EYS: variants seen among roughly 807,000 people sequenced by gnomAD.
The protein encoded by EYS is protein eyes shut homolog.
Under a neutral mutation model 282.1 loss-of-function variants are expected in EYS, and 250 were observed. The observed-to-expected ratio is 0.89, with a 90% confidence interval of 0.80 to 0.98. The LOEUF is 0.98. Among genes scored for constraint, EYS ranks in the 50% least tolerant of loss-of-function variants. The pLI is 0.00. For synonymous variants in EYS, 1,355 were observed against 1,282.9 expected (o/e 1.06, Z -1.20); for missense variants, 4,016 against 3,709.0 (o/e 1.08, Z -2.15).
chr6:63,880,831 A>T (rs77327474), intron 35 of EYS, among the ~76,000 whole-genome samples: 1,638 of 152,308 alleles, frequency 0.011, 24 homozygotes, highest in African/African-American at 0.038. Flanking sequence ...ACTGGAAAAG[A>T]CTAAATCTCT....
intron 14 of EYS, among the ~76,000 whole-genome samples, chr6:64,978,422 A>G (rs1770542341): frequency 6.6e-6 from 1 of 151,982 alleles, no homozygotes; most frequent in Admixed American, 6.6e-5. Context: ...ATTCGTTTCA[A>G]AATATTACTG....
At chr6:64,254,136 C>T (rs898061037) in intron 30 of EYS, among the ~76,000 whole-genome samples, 1 of 152,044 alleles carries the variant, frequency 6.6e-6, no homozygotes, top group African/African-American at 2.4e-5. Context: ...TTTGGCCTTT[C>T]TCGTGTAATA....
chr6:65,516,152 T>C lies in EYS; in HGVS notation c.-332-20159A>G, dbSNP rs554646674. 2.0e-5 allele frequency among the ~76,000 whole-genome samples: 3 copies of C among 152,180 alleles called. No individual in the cohort carries two copies. In the East Asian group the frequency reaches 5.8e-4, roughly 29 times the overall value. ...ATGCTGAAACCATTAAAAGAGAACA[T>C]ATATATTAAAATAATTCTGGCACAT... On this transcript the variant is annotated intron_variant, in intron 2 of 42. Transcript: ENST00000503581.
intron 12 of EYS, among the ~76,000 whole-genome samples, chr6:65,077,971 T>C (rs546288808): frequency 1.3e-5 from 2 of 152,238 alleles, no homozygotes; most frequent in East Asian, 3.9e-4. Context: ...TATTCACAGA[T>C]GAAAAGCTGT....
At chr6:64,866,454 G>A (rs9351461) in intron 19 of EYS, among the ~76,000 whole-genome samples, 23,492 of 151,516 alleles carry the variant, frequency 0.16, 2,117 homozygotes, top group East Asian at 0.49. Context: ...CTTTAAATTT[G>A]CCAATATAGG....
At chr6:64,035,090 C>T (rs1770047628) in intron 33 of EYS, among the ~76,000 whole-genome samples, 1 of 152,162 alleles carries the variant, frequency 6.6e-6, no homozygotes. Flanking sequence ...TACTGCTGAA[C>T]ACGTGGCAGT....
chr6:64,826,682 GTATA>G (rs3065326), intron 19 of EYS, among the ~76,000 whole-genome samples: 46,015 of 144,248 alleles, frequency 0.32, 7,382 homozygotes, highest in East Asian at 0.47. Context: ...ATGATTTTAT[GTATA>G]TATATATATA....
rs547341943 is a variant in EYS at position 65,470,982 on chromosome 6, C to T, written c.862+19612G>A. On this transcript the variant is annotated intron_variant, in intron 5 of 42. Transcript: ENST00000503581. The stretch of plus-strand genomic sequence containing the variant: ...TGAAACCCTGTCTCTACTAACAATA[C>T]AAAAATTAGCTGGGCATGGTGGCAC... Among the ~76,000 whole-genome samples, 25 of 151,878 alleles carry T rather than the reference C, an allele frequency of 1.6e-4. No individual in the cohort carries two copies. The South Asian group carries it at 3.3e-3, about 20-fold the overall frequency.
chr6:65,233,075 T>C (rs149254961), intron 12 of EYS, among the ~76,000 whole-genome samples: 274 of 152,286 alleles, frequency 1.8e-3, no homozygotes, highest in African/African-American at 6.4e-3. Flanking sequence ...ATTGTCATCA[T>C]GCCATCCTTT....
chr6:64,965,644 C>T (rs1050652469), intron 14 of EYS, among the ~76,000 whole-genome samples: 1 of 152,004 alleles, frequency 6.6e-6, no homozygotes, highest in Non-Finnish European at 1.5e-5. Flanking sequence ...AGCATCATCC[C>T]TAACTTTTTT....
chr6:63,778,562 A>G (rs1196046063), intron 39 of EYS, among the ~76,000 whole-genome samples: 1 of 152,196 alleles, frequency 6.6e-6, no homozygotes, highest in Admixed American at 6.5e-5. Context: ...AAGTGATGGC[A>G]TATTTTCTTA....
At chr6:65,397,746 G>A (rs2150360904) in intron 7 of EYS, among the ~76,000 whole-genome samples, 1 of 152,018 alleles carries the variant, frequency 6.6e-6, no homozygotes, top group South Asian at 2.1e-4. Flanking sequence ...TTGATATAAT[G>A]ATTCCTTTTC....
chr6:65,098,946 ATATT>A (rs1561964999), intron 12 of EYS, among the ~76,000 whole-genome samples: 1 of 150,836 alleles, frequency 6.6e-6, no homozygotes, highest in African/African-American at 2.4e-5. Flanking sequence ...AGCAGAGTAC[ATATT>A]TATTTCTTTG....
intron 31 of EYS, among the ~76,000 whole-genome samples, chr6:64,138,349 CAA>C (rs1001634944): frequency 2.4e-4 from 36 of 152,002 alleles, no homozygotes; most frequent in Admixed American, 1.3e-3. Flanking sequence ...GAGAAAGAAA[CAA>C]GATATTGGGA....
At chr6:65,277,466 G>T (rs534430793) in intron 12 of EYS, among the ~76,000 whole-genome samples, 4 of 146,566 alleles carry the variant, frequency 2.7e-5, no homozygotes, top group East Asian at 4.0e-4. Flanking sequence ...AAAAAAAAGC[G>T]CCCCGGAAAA....
chr6:64,956,737 GA>G (rs898332266), intron 14 of EYS, among the ~76,000 whole-genome samples: 12 of 151,898 alleles, frequency 7.9e-5, no homozygotes, highest in African/African-American at 2.7e-4. Context: ...AATTTTATAG[GA>G]AAAAAACTCT....
intron 5 of EYS, among the ~76,000 whole-genome samples, chr6:65,466,090 T>C (rs1764989224): frequency 6.6e-6 from 1 of 152,142 alleles, no homozygotes; most frequent in South Asian, 2.1e-4. Flanking sequence ...AGAAATTGCA[T>C]TGCCCTCAGC....
chr6:65,428,408 G>T (rs962983226), intron 5 of EYS, among the ~76,000 whole-genome samples: 4 of 151,962 alleles, frequency 2.6e-5, no homozygotes, highest in African/African-American at 9.7e-5. Context: ...CACTTGTATT[G>T]CGCTAATTAT....
At position 64,240,514 on chromosome 6, in the gene EYS, A is replaced by C. The variant is rs186763699; in HGVS notation, c.6192-9690T>G. The stretch of plus-strand genomic sequence containing the variant: ...CTAGGTATTTTATTCTCTTTGTAGC[A>C]ATTGTGAATGGGAGTTCACTCATGA... On this transcript the variant is annotated intron_variant, in intron 30 of 42. Transcript: ENST00000503581. Among the ~76,000 whole-genome samples, 7 of 152,250 alleles carry C rather than the reference A, an allele frequency of 4.6e-5. No homozygotes were observed. In the East Asian group the frequency reaches 1.4e-3, roughly 29 times the overall value.
Sources: gnomAD v4.1 joint callset for allele counts (sites outside exome capture counted in the v4.1 genomes callset) on GRCh38, gnomAD v4.1.1 for gene constraint, MANE v1.5 for transcripts, NCBI Gene and HGNC (gene_info 2026-07-23, HGNC 2026-07-21) for gene names.